The following STARD13 variants were observed in gnomAD, a reference collection of about 807,000 sequenced individuals.
STARD13 encodes the protein StAR related lipid transfer domain containing 13, also known as stAR-related lipid transfer protein 13.
STARD13 carries 62 observed loss-of-function variants against 106.4 expected under a neutral mutation model. That is an observed-to-expected ratio of 0.58 (90% confidence interval 0.48 to 0.72). STARD13 has a LOEUF of 0.72. STARD13 is among the 30% of genes least tolerant of loss of function. STARD13 has a pLI of 0.00. For missense variants in STARD13, 1,387 were observed against 1,424.0 expected (o/e 0.97, Z 0.42); for synonymous variants, 565 against 553.0 (o/e 1.02, Z -0.31).
At chr13:33,673,522 T>C in the STARD13 span, among the ~76,000 whole-genome samples, 3 of 151,794 alleles carry the variant, frequency 2.0e-5, no homozygotes, top group Non-Finnish European at 2.9e-5. Flanking sequence ...TTCTTGTCTA[T>C]AGATGGAAGC....
the STARD13 span, among the ~76,000 whole-genome samples, chr13:33,669,244 G>C: frequency 6.6e-6 from 1 of 152,168 alleles, no homozygotes; most frequent in Non-Finnish European, 1.5e-5. Context: ...CACAGGAAAT[G>C]ACCCTCATAG....
At chr13:33,194,096 GAC>G (rs1886444641) in intron 1 of STARD13, among the ~76,000 whole-genome samples, 1 of 152,112 alleles carries the variant, frequency 6.6e-6, no homozygotes, top group African/African-American at 2.4e-5. Flanking sequence ...GAAAAAGAAA[GAC>G]AGAGTATTTG....
chr13:33,499,913 T>C, the STARD13 span, among the ~76,000 whole-genome samples: 5 of 151,730 alleles, frequency 3.3e-5, no homozygotes, highest in African/African-American at 1.2e-4. Flanking sequence ...TATAGGCACC[T>C]GCTGCTGTGC....
At chr13:33,168,213 C>G (rs1347516792) in intron 1 of STARD13, among the ~76,000 whole-genome samples, 1 of 151,936 alleles carries the variant, frequency 6.6e-6, no homozygotes, top group African/African-American at 2.4e-5. Context: ...GTTCATTAAT[C>G]AAGCACATTG....
the STARD13 span, among the ~76,000 whole-genome samples, chr13:33,477,712 T>C: frequency 6.6e-6 from 1 of 152,154 alleles, no homozygotes; most frequent in African/African-American, 2.4e-5. Flanking sequence ...TTCCTCCGCA[T>C]GAAGCAGCCA....
intron 1 of STARD13, among the ~76,000 whole-genome samples, chr13:33,338,343 T>C (rs2077919747): frequency 1.3e-5 from 2 of 152,322 alleles, no homozygotes; most frequent in South Asian, 4.1e-4. Flanking sequence ...GATTATCTAG[T>C]CCAATTTCTC....
chr13:33,150,521 C>T (rs758592293), intron 3 of STARD13, among the ~76,000 whole-genome samples: 2 of 152,170 alleles, frequency 1.3e-5, no homozygotes, highest in Non-Finnish European at 2.9e-5. Flanking sequence ...CTCCTGTCTA[C>T]TTAAGAAAAA....
At chr13:33,137,681 G>A (rs1269144754) in intron 4 of STARD13, among the ~76,000 whole-genome samples, 1 of 152,206 alleles carries the variant, frequency 6.6e-6, no homozygotes, top group Non-Finnish European at 1.5e-5. Flanking sequence ...GTGAGGGAGA[G>A]GGATGCACTA....
intron 1 of STARD13, among the ~76,000 whole-genome samples, chr13:33,186,690 T>C (rs1885798793): frequency 6.6e-6 from 1 of 152,186 alleles, no homozygotes; most frequent in Admixed American, 6.5e-5. Context: ...TCCACTTCAT[T>C]ATCTCACTTA....
At chr13:33,350,323 G>A in exon 1 of STARD13, 1 of 1,534,196 alleles carries the variant, frequency 6.5e-7, no homozygotes. Context: ...TTCTTCCACA[G>A]CAGATCCCAG....
At chr13:33,528,226 G>GTATATATATATATATA in the STARD13 span, among the ~76,000 whole-genome samples, 1 of 101,000 alleles carries the variant, frequency 9.9e-6, no homozygotes, top group Non-Finnish European at 1.8e-5. Flanking sequence ...GTGTGTGTGT[G>GTATATATATATATATA]TATATATATA....
At chr13:33,194,777 C>T (rs759153186) in intron 1 of STARD13, among the ~76,000 whole-genome samples, 77 of 152,098 alleles carry the variant, frequency 5.1e-4, no homozygotes, top group Admixed American at 7.2e-4. Context: ...AAATCAGAAA[C>T]GAACAACTCA....
intron 1 of STARD13, among the ~76,000 whole-genome samples, chr13:33,322,290 C>T (rs138913089): frequency 0.023 from 3,429 of 152,234 alleles, 51 homozygotes; most frequent in Non-Finnish European, 0.034. Flanking sequence ...AATAAACAGC[C>T]CAAAGTCTTA....
intron 4 of STARD13, among the ~76,000 whole-genome samples, chr13:33,139,447 C>A (rs1879516438): frequency 6.6e-6 from 1 of 152,222 alleles, no homozygotes; most frequent in African/African-American, 2.4e-5. Flanking sequence ...CCAGCACCTG[C>A]AACCCTTTCA....
the STARD13 span, among the ~76,000 whole-genome samples, chr13:33,422,421 C>A: frequency 2.6e-5 from 4 of 152,110 alleles, no homozygotes; most frequent in Admixed American, 2.6e-4. Flanking sequence ...GAACTACAAA[C>A]CACTGCTCAG....
At chr13:33,469,705 T>C in the STARD13 span, among the ~76,000 whole-genome samples, 1 of 151,788 alleles carries the variant, frequency 6.6e-6, no homozygotes, top group Admixed American at 6.6e-5. Context: ...TATTATCCCA[T>C]TTAATTAAGA....
chr13:33,389,112 C>G, the STARD13 span, among the ~76,000 whole-genome samples: 3 of 151,316 alleles, frequency 2.0e-5, no homozygotes, highest in Non-Finnish European at 2.9e-5. Flanking sequence ...CCAACCACCA[C>G]GTCTGGCTAA....
At chr13:33,635,055 C>T in the STARD13 span, among the ~76,000 whole-genome samples, 1 of 152,310 alleles carries the variant, frequency 6.6e-6, no homozygotes, top group South Asian at 2.1e-4. Flanking sequence ...CATTTTTAAA[C>T]CATATGTTAA....
chr13:33,444,985 T>A, the STARD13 span, among the ~76,000 whole-genome samples: 2 of 152,214 alleles, frequency 1.3e-5, no homozygotes, highest in East Asian at 3.9e-4. Context: ...TACCCAGTAA[T>A]GTATCCTTTG....
Sources: gnomAD v4.1 joint callset for allele counts (sites outside exome capture counted in the v4.1 genomes callset) on GRCh38, gnomAD v4.1.1 for gene constraint, MANE v1.5 for transcripts, NCBI Gene and HGNC (gene_info 2026-07-23, HGNC 2026-07-21) for gene names.